The following DNAJB2 variants were observed in gnomAD, a reference collection of about 807,000 sequenced individuals.
The protein encoded by DNAJB2 is dnaJ homolog subfamily B member 2.
Under a neutral mutation model 33.3 loss-of-function variants are expected in DNAJB2, and 19 were observed. The ratio of observed to expected loss-of-function variants is 0.57; its 90% confidence interval spans 0.40 to 0.84. The LOEUF (loss-of-function observed/expected upper bound fraction) is 0.84, where lower values mean the gene tolerates loss of function less well. Ranked by LOEUF, DNAJB2 falls within the 40% of genes least tolerant of loss-of-function variation. The probability of loss-of-function intolerance (pLI) is 0.00; values close to 1 mark genes in which losing one functional copy is unlikely to be tolerated. For synonymous variants in DNAJB2, 172 were observed against 164.6 expected (o/e 1.04, Z -0.34); for missense variants, 368 against 430.9 (o/e 0.85, Z 1.29).
rs775040127 is a variant in DNAJB2 at position 219,282,175 on chromosome 2, CAGA to C, written c.352+118_352+120del. On this transcript the variant is annotated intron_variant, in intron 5 of 8. Coordinates refer to ENST00000336576, the MANE Select transcript of DNAJB2 (RefSeq NM_006736.6). ...TGAGAGGGGACGGGAATGCCACGGACAGAAGATTTTGTGGAGCTGGGTCCAGTG... is the reference window on the plus strand; with the variant it reads ...TGAGAGGGGACGGGAATGCCACGGACAGATTTTGTGGAGCTGGGTCCAGTG... 32 of 1,575,006 alleles carry C rather than the reference CAGA, an allele frequency of 2.0e-5. No homozygotes were observed. The African/African-American group carries it at 3.5e-4, about 17-fold the overall frequency.
Position 219,286,204 on chromosome 2 carries a change from G to A in DNAJB2, c.*1217G>A, listed in dbSNP as rs1339458404. On this transcript the variant is annotated 3_prime_UTR_variant, in exon 9 of 9. Transcript: ENST00000336576. ...TGGGTGTTTGGTGCTGGCTCCTGGG[G>A]ACTACAAATCCCAGAGTGCGGTGTG... 1.6e-6 allele frequency: 1 copy of A among 609,680 alleles called. No individual in the cohort carries two copies. Among genetic ancestry groups the A allele is most frequent in the African/African-American group, 1.8e-5 (1 of 54,512 alleles). 37.8% of individuals were successfully genotyped at this position (609,680 alleles called of 1,614,324 possible). A position where few individuals can be genotyped will look rare whatever the true frequency, so the allele number is the denominator to read the frequency against.
At chr2:219,281,605 T>C in intron 3 of DNAJB2, 113 bp from the exon 4 acceptor site, 1 of 1,461,614 alleles carries the variant, frequency 6.8e-7, no homozygotes. Context: ...CTGTGCCTGC[T>C]TTCCCCCGCC....
In DNAJB2 at chr2:219,285,354, C is replaced by T; in HGVS notation, c.*367C>T. 9.7e-7 allele frequency: 1 copy of T among 1,026,144 alleles called. No homozygotes were observed. The highest frequency in any genetic ancestry group is 1.2e-6 in the Non-Finnish European group (1 of 856,514). 63.6% of individuals were successfully genotyped at this position (1,026,144 alleles called of 1,614,324 possible). A position where few individuals can be genotyped will look rare whatever the true frequency, so the allele number is the denominator to read the frequency against. ...TGGTGTCAAGGAAGGAGGACTTGGC[C>T]TAGGGTTGTCTGAGCCGGAGCCGGC... On this transcript the variant is annotated 3_prime_UTR_variant, in exon 9 of 9. Coordinates refer to ENST00000336576, the MANE Select transcript of DNAJB2 (RefSeq NM_006736.6).
intron 3 of DNAJB2, 31 bp downstream of exon 3, chr2:219,280,718 C>A: frequency 6.8e-7 from 1 of 1,480,104 alleles, no homozygotes; most frequent in Non-Finnish European, 9.4e-7. Flanking sequence ...GGACCCAGCA[C>A]ATCACCCCCT....
chr2:219,283,487 A>G lies in DNAJB2; in HGVS notation c.617A>G (p.Asn206Ser). 6.2e-7 allele frequency: 1 copy of G among 1,613,676 alleles called. No individual in the cohort carries two copies. The highest frequency in any genetic ancestry group is 1.1e-5 in the South Asian group (1 of 91,030). Reference sequence around the variant, plus strand: ...GGGCAGCTGAAGTCAGTCACAATCAATGGTGAGGAGCAGCTCCCCTACCCA... The same window carrying G: ...GGGCAGCTGAAGTCAGTCACAATCAGTGGTGAGGAGCAGCTCCCCTACCCA... ...EDGQLKSVTI[N>S]GVPDDLALGL... The change falls in exon 8 of 9, where the codon AAT becomes AGT. Residue 206 changes from asparagine to serine, a missense_variant and splice_region_variant. By Grantham distance (46) the Asn-to-Ser change is conservative. Transcript: ENST00000336576.
Position 219,285,067 on chromosome 2 carries a change from T to G in DNAJB2, c.*80T>G. On this transcript the variant is annotated 3_prime_UTR_variant, in exon 9 of 9. Transcript: ENST00000336576. ...GTGGGAAGAGAAGAGGGGAGTATCC[T>G]GAGTTGTAGGAACTGCTTTCCAACT... 1 of 1,417,612 alleles carries G rather than the reference T, an allele frequency of 7.1e-7. No homozygotes were observed. Among genetic ancestry groups the G allele is most frequent in the South Asian group, 1.7e-5 (1 of 60,388 alleles). The allele number at this position is 1,417,612 out of a possible 1,614,324, so 87.8% of individuals were successfully genotyped here.
chr2:219,285,936 A>G lies in DNAJB2; in HGVS notation c.*949A>G. On this transcript the variant is annotated 3_prime_UTR_variant, in exon 9 of 9. Coordinates refer to ENST00000336576, the MANE Select transcript of DNAJB2 (RefSeq NM_006736.6). ...CTGCATGCTGAGCCCCATCCTCCAC[A>G]GCTTGCCGCTGACGCTCTCTCCTGT... 1 of 1,606,952 alleles carries G rather than the reference A, an allele frequency of 6.2e-7. No individual in the cohort carries two copies. The highest frequency in any genetic ancestry group is 1.1e-5 in the South Asian group (1 of 90,740).
rs757898570 is a variant in DNAJB2, at chr2:219,281,819, A to G, written c.229+48A>G. 4 of 1,613,288 alleles carry G rather than the reference A, an allele frequency of 2.5e-6. No individual in the cohort carries two copies. The Admixed American group carries it at 6.7e-5, about 27-fold the overall frequency. On this transcript the variant is annotated intron_variant, in intron 4 of 8. Coordinates refer to ENST00000336576, the MANE Select transcript of DNAJB2 (RefSeq NM_006736.6). ...GGAATGGAGGTGGGGCAGGGAGGAG[A>G]GGGGCAGGGCAGATTCTTGCAATGG...
intron 3 of DNAJB2, chr2:219,281,309 G>C (rs1266515258): frequency 9.4e-6 from 2 of 213,354 alleles, no homozygotes; most frequent in Non-Finnish European, 1.9e-5. Flanking sequence ...GGAATAATGT[G>C]CACTTGCTTT....
Position 219,286,131 on chromosome 2 carries a change from GGGCCGGGTGGGA to G in DNAJB2, c.*1147_*1158del. On this transcript the variant is annotated 3_prime_UTR_variant, in exon 9 of 9. Transcript: ENST00000336576. The stretch of plus-strand genomic sequence containing the variant: ...GAGCCGGGGCCTGGGTGGCGGGTGG[GGGCCGGGTGGGA>G]GGTGGCAGTAGTCTTAGCCTGTGCA... The G allele has an allele frequency of 1.3e-6, 1 of 772,754 alleles. No individual in the cohort carries two copies. The highest frequency in any genetic ancestry group is 1.8e-5 in the South Asian group (1 of 55,558). 47.9% of individuals were successfully genotyped at this position (772,754 alleles called of 1,614,324 possible). A position where few individuals can be genotyped will look rare whatever the true frequency, so the allele number is the denominator to read the frequency against.
intron 8 of DNAJB2, 35 bp downstream of exon 8, chr2:219,283,524 G>A (rs747335335): frequency 2.1e-5 from 33 of 1,598,420 alleles, no homozygotes; most frequent in South Asian, 7.9e-5. Context: ...CCCCTGGCAG[G>A]AAGCCCCAGC....
intron 8 of DNAJB2, 21 bp downstream of exon 8, chr2:219,283,510 C>T (rs1333568342): frequency 6.2e-7 from 1 of 1,607,946 alleles, no homozygotes; most frequent in South Asian, 1.1e-5. Context: ...GCTCCCCTAC[C>T]CAGCCCCTGG....
chr2:219,284,418 G>C (rs1017248746), intron 8 of DNAJB2, among the ~76,000 whole-genome samples: 1 of 152,224 alleles, frequency 6.6e-6, no homozygotes, highest in Non-Finnish European at 1.5e-5. Context: ...GGGAGGGGTA[G>C]GGATGTTGAG....
chr2:219,280,698 G>A lies in DNAJB2; in HGVS notation c.175+11G>A. On this transcript the variant is annotated intron_variant, in intron 3 of 8. Transcript: ENST00000336576. ...AAGTGCTGTCTGACAGTAAGGGCCG[G>A]GGTCAGGCAGGACCCAGCACATCAC... 1.3e-6 allele frequency: 2 copies of A among 1,591,372 alleles called. No homozygotes were observed. The highest frequency in any genetic ancestry group is 1.7e-6 in the Non-Finnish European group (2 of 1,159,888).
rs543799287 is a variant in DNAJB2, at chr2:219,286,282, G to C, written c.*1295G>C. 3 of 441,414 alleles carry C rather than the reference G, an allele frequency of 6.8e-6. No homozygotes were observed. Among genetic ancestry groups the C allele is most frequent in the African/African-American group, 3.9e-5 (2 of 51,394 alleles). The allele number at this position is 441,414 out of a possible 1,614,324, so 27.3% of individuals were successfully genotyped here. A position where few individuals can be genotyped will look rare whatever the true frequency, so the allele number is the denominator to read the frequency against. On this transcript the variant is annotated 3_prime_UTR_variant, in exon 9 of 9. Transcript: ENST00000336576. ...TTGGGGGAGGTGGTGTATGGTTACG[G>C]AGCTGTGCATCTTGGGACATGTAGT...
At position 219,279,711 on chromosome 2, in the gene DNAJB2, G is replaced by A. The variant is rs990051600; in HGVS notation, c.-36-87G>A. The A allele has an allele frequency of 5.8e-6, 6 of 1,043,202 alleles. No homozygotes were observed. The African/African-American group carries it at 7.9e-5, about 14-fold the overall frequency. 64.6% of individuals were successfully genotyped at this position (1,043,202 alleles called of 1,614,324 possible). On this transcript the variant is annotated intron_variant, in intron 1 of 8. Transcript: ENST00000336576. This position sits in a 1 kb window ranked among gnomAD's most constrained non-coding sequence, Gnocchi z 4.9. ...CGGTGTGCTCCGCTTCCAACTGGGAGCGCCTTCCGCCACCCGGGGAGGGGG... is the reference window on the plus strand; with the variant it reads ...CGGTGTGCTCCGCTTCCAACTGGGAACGCCTTCCGCCACCCGGGGAGGGGG...
intron 3 of DNAJB2, chr2:219,281,186 T>G: frequency 5.3e-6 from 1 of 190,324 alleles, no homozygotes; most frequent in Non-Finnish European, 1.1e-5. Context: ...AAGCAGGCAC[T>G]GTCTTTGCCC....
chr2:219,279,852 A>G lies in DNAJB2; in HGVS notation c.19A>G (p.Ile7Val). The change falls in exon 2 of 9, where the codon ATC (isoleucine) becomes GTC (valine). Residue 7 changes from isoleucine (I) to valine (V), a missense_variant. Ile to Val is a conservative substitution (Grantham distance 29). Transcript: ENST00000336576. This position sits in a 1 kb window ranked among gnomAD's most constrained non-coding sequence, Gnocchi z 4.9. MASYYE[I>V]LDVPRSASAD... ...AGTTGCCATGGCATCCTACTACGAGATCCTAGACGTGCCGCGAAGTGCGTC... is the reference window on the plus strand; with the variant it reads ...AGTTGCCATGGCATCCTACTACGAGGTCCTAGACGTGCCGCGAAGTGCGTC... The G allele has an allele frequency of 1.2e-6, 2 of 1,613,888 alleles. No individual in the cohort carries two copies. Among genetic ancestry groups the G allele is most frequent in the Non-Finnish European group, 1.7e-6 (2 of 1,179,940 alleles).
intron 8 of DNAJB2, 71 bp from the exon 9 acceptor site, chr2:219,284,561 C>G: frequency 6.6e-7 from 1 of 1,513,680 alleles, no homozygotes; most frequent in Non-Finnish European, 8.9e-7. Context: ...AGGGTTGTTA[C>G]TGTGTGAGGC....
Sources: allele counts gnomAD v4.1 joint callset (sites outside exome capture counted in the v4.1 genomes callset), GRCh38; gene constraint gnomAD v4.1.1; non-coding constraint Gnocchi (gnomAD v3.1); transcripts MANE v1.5; gene names NCBI Gene and HGNC (gene_info 2026-07-23, HGNC 2026-07-21).